Variants in SUGCT observed in about 807,000 individuals in gnomAD.
The protein encoded by SUGCT is succinyl-CoA:glutarate CoA-transferase.
SUGCT carries 41 observed loss-of-function variants against 55.0 expected under a neutral mutation model. The observed-to-expected ratio is 0.74, with a 90% CI of 0.58 to 0.97. The LOEUF is 0.97. Among genes scored for constraint, SUGCT ranks in the 50% least tolerant of loss-of-function variants. SUGCT has a pLI of 0.00. For missense variants in SUGCT, 568 were observed against 547.8 expected (o/e 1.04, Z -0.37); for synonymous variants, 187 against 200.4 (o/e 0.93, Z 0.56).
chr7:40,136,327 G>A (rs1222079775), intron 1 of SUGCT, among the ~76,000 whole-genome samples: 1 of 152,050 alleles, frequency 6.6e-6, no homozygotes, highest in African/African-American at 2.4e-5. Flanking sequence ...AGAGCTTTAG[G>A]ACTCATTAAA....
At chr7:40,674,531 C>T (rs1319943825) in intron 12 of SUGCT, among the ~76,000 whole-genome samples, 1 of 152,192 alleles carries the variant, frequency 6.6e-6, no homozygotes, top group Non-Finnish European at 1.5e-5. Flanking sequence ...GAGGAATTCT[C>T]ACCAACCACA....
At chr7:40,329,226 G>C (rs893157749) in intron 9 of SUGCT, among the ~76,000 whole-genome samples, 1 of 152,128 alleles carries the variant, frequency 6.6e-6, no homozygotes, top group African/African-American at 2.4e-5. Flanking sequence ...TACTATTATA[G>C]TTTAATATTA....
At chr7:40,812,942 T>A (rs1353934054) in intron 13 of SUGCT, among the ~76,000 whole-genome samples, 1 of 152,142 alleles carries the variant, frequency 6.6e-6, no homozygotes, top group Non-Finnish European at 1.5e-5. Flanking sequence ...TTTCAAATAA[T>A]TTTTTGATTT....
At chr7:40,540,715 A>G (rs768744564) in intron 12 of SUGCT, among the ~76,000 whole-genome samples, 2 of 152,266 alleles carry the variant, frequency 1.3e-5, no homozygotes, top group African/African-American at 4.8e-5. Flanking sequence ...CATTTGGTCC[A>G]TAAAAGTGAA....
chr7:40,895,510 T>G, the SUGCT span, among the ~76,000 whole-genome samples: 1 of 152,244 alleles, frequency 6.6e-6, no homozygotes, highest in African/African-American at 2.4e-5. Context: ...TCAAGTGGGA[T>G]TTATCCGTGG....
intron 12 of SUGCT, among the ~76,000 whole-genome samples, chr7:40,507,354 C>A (rs1792666624): frequency 6.6e-6 from 1 of 152,084 alleles, no homozygotes; most frequent in Admixed American, 6.6e-5. Flanking sequence ...TTAATCTTGA[C>A]CTCTAGGGGT....
intron 7 of SUGCT, among the ~76,000 whole-genome samples, chr7:40,272,193 T>TATATACACAC (rs1554299554): frequency 3.9e-5 from 3 of 76,272 alleles, no homozygotes; most frequent in Non-Finnish European, 7.5e-5. Flanking sequence ...TATATATATA[T>TATATACACAC]ACAGGGTCTC....
At chr7:40,368,364 A>AT (rs1314712752) in intron 9 of SUGCT, among the ~76,000 whole-genome samples, 4 of 151,798 alleles carry the variant, frequency 2.6e-5, no homozygotes, top group African/African-American at 9.7e-5. Flanking sequence ...CACCCAGCTA[A>AT]TTTTTTGTAT....
the SUGCT span, among the ~76,000 whole-genome samples, chr7:40,943,088 AT>A: frequency 6.6e-6 from 1 of 151,674 alleles, no homozygotes; most frequent in Non-Finnish European, 1.5e-5. Flanking sequence ...GTCTGTATGC[AT>A]TGTTAGAGAG....
intron 11 of SUGCT, among the ~76,000 whole-genome samples, chr7:40,475,873 T>G (rs1466404378): frequency 1.3e-5 from 2 of 152,002 alleles, no homozygotes; most frequent in African/African-American, 4.8e-5. Flanking sequence ...GATCTATAAA[T>G]AAGTCTATCA....
intron 12 of SUGCT, among the ~76,000 whole-genome samples, chr7:40,688,793 T>G (rs530842493): frequency 1.3e-5 from 2 of 152,204 alleles, no homozygotes; most frequent in South Asian, 4.1e-4. Flanking sequence ...GAAAAAATAA[T>G]TTACACAAGC....
intron 8 of SUGCT, among the ~76,000 whole-genome samples, chr7:40,279,952 G>A (rs1792843479): frequency 6.6e-6 from 1 of 152,064 alleles, no homozygotes; most frequent in Admixed American, 6.5e-5. Flanking sequence ...ATTTCATGCA[G>A]TAGTAAAAAA....
rs1219733878 is a variant in SUGCT, at chr7:40,249,346, T to TATATATATATATATAA, written c.576+11621_576+11622insTATATATATATATAAA. On this transcript the variant is annotated intron_variant, in intron 7 of 13. Coordinates refer to ENST00000335693, the MANE Select transcript of SUGCT (RefSeq NM_001193313.2). ...ATATATATATATATATATATATATA[T>TATATATATATATATAA]AATTATATTATATAGAATATATTAT... 1.9e-4 allele frequency among the ~76,000 whole-genome samples: 25 copies of TATATATATATATATAA among 129,818 alleles called. No individual in the cohort carries two copies. In the South Asian group the frequency reaches 4.5e-3, roughly 23 times the overall value. The allele number at this position is 129,818 out of a possible 152,430, so 85.2% of individuals were successfully genotyped here. A position where few individuals can be genotyped will look rare whatever the true frequency, so the allele number is the denominator to read the frequency against.
At chr7:40,160,023 C>T (rs1374481756) in intron 1 of SUGCT, among the ~76,000 whole-genome samples, 1 of 152,152 alleles carries the variant, frequency 6.6e-6, no homozygotes, top group Non-Finnish European at 1.5e-5. Flanking sequence ...AGAACATAAG[C>T]AGCCTCTGCA....
intron 12 of SUGCT, among the ~76,000 whole-genome samples, chr7:40,521,427 C>T (rs1046779506): frequency 1.3e-5 from 2 of 152,160 alleles, no homozygotes; most frequent in Admixed American, 6.6e-5. Flanking sequence ...GGAGGCAGGG[C>T]GTTCTCTTGG....
chr7:40,530,029 A>T (rs1237005271), intron 12 of SUGCT, among the ~76,000 whole-genome samples: 1 of 151,800 alleles, frequency 6.6e-6, no homozygotes, highest in Non-Finnish European at 1.5e-5. Flanking sequence ...CCTCTTTCCA[A>T]TTTTTTTGCC....
intron 1 of SUGCT, among the ~76,000 whole-genome samples, chr7:40,173,654 G>C (rs891936976): frequency 6.6e-6 from 1 of 152,026 alleles, no homozygotes; most frequent in Non-Finnish European, 1.5e-5. Context: ...TGATTGGTTG[G>C]ATGTGAGTTG....
At chr7:40,176,295 T>G (rs1036751463) in intron 1 of SUGCT, among the ~76,000 whole-genome samples, 4 of 152,106 alleles carry the variant, frequency 2.6e-5, no homozygotes, top group Non-Finnish European at 5.9e-5. Context: ...CTGTAATTCC[T>G]CTGTGGTGCT....
At chr7:40,302,495 A>G (rs573219937) in intron 8 of SUGCT, among the ~76,000 whole-genome samples, 1 of 152,328 alleles carries the variant, frequency 6.6e-6, no homozygotes, top group South Asian at 2.1e-4. Flanking sequence ...AATGGCTTAG[A>G]TGGAGTCTCT....
Sources: allele counts gnomAD v4.1 joint callset (sites outside exome capture counted in the v4.1 genomes callset), GRCh38; gene constraint gnomAD v4.1.1; transcripts MANE v1.5; gene names NCBI Gene and HGNC (gene_info 2026-07-23, HGNC 2026-07-21).